The following CSMD1 variants were observed in gnomAD, a reference collection of about 807,000 sequenced individuals.
CSMD1 encodes the protein CUB and Sushi multiple domains 1.
Under a neutral mutation model 417.5 loss-of-function variants are expected in CSMD1, and 213 were observed. The ratio of observed to expected loss-of-function variants is 0.51; its 90% CI spans 0.46 to 0.57. The LOEUF (loss-of-function observed/expected upper bound fraction) is 0.57, where lower values mean the gene tolerates loss of function less well. Ranked by LOEUF, CSMD1 falls within the 20% of genes least tolerant of loss-of-function variation. The pLI, the probability that CSMD1 is intolerant of heterozygous loss-of-function variation, is 0.00. For missense variants in CSMD1, 6,923 were observed against 4,529.7 expected (o/e 1.53, Z -15.17); for synonymous variants, 2,862 against 1,736.8 (o/e 1.65, Z -16.11).
chr8:4,612,057 C>G (rs960282668), intron 2 of CSMD1, among the ~76,000 whole-genome samples: 1 of 152,072 alleles, frequency 6.6e-6, no homozygotes, highest in African/African-American at 2.4e-5. Context: ...CCCGGCGTGT[C>G]CCTAGGAGGT....
rs543044075 is a variant in CSMD1 at position 3,666,525 on chromosome 8, C to A, written c.1009+41889G>T. Among the ~76,000 whole-genome samples the A allele has an allele frequency of 2.0e-5, 3 of 152,252 alleles. No individual in the cohort carries two copies. In the East Asian group the frequency reaches 5.8e-4, roughly 29 times the overall value. Reference sequence around the variant, plus strand: ...CACATCATCTATTCTTTCAACAAGCCTTTTTTGAAAGCTGCCTGATATGGT... The same window carrying A: ...CACATCATCTATTCTTTCAACAAGCATTTTTTGAAAGCTGCCTGATATGGT... On this transcript the variant is annotated intron_variant, in intron 7 of 69. Transcript: ENST00000635120.
intron 5 of CSMD1, among the ~76,000 whole-genome samples, chr8:3,966,769 A>G (rs1157746679): frequency 1.3e-5 from 2 of 151,932 alleles, no homozygotes; most frequent in Non-Finnish European, 2.9e-5. Flanking sequence ...GCGCGCGCAC[A>G]CACACTGATT....
chr8:4,750,172 A>C (rs1811220852), intron 1 of CSMD1, among the ~76,000 whole-genome samples: 1 of 151,332 alleles, frequency 6.6e-6, no homozygotes, highest in South Asian at 2.1e-4. Context: ...CGCCCGGCTA[A>C]TTTTTTTTGT....
intron 5 of CSMD1, among the ~76,000 whole-genome samples, chr8:3,762,319 G>A (rs1207915055): frequency 6.6e-6 from 1 of 152,100 alleles, no homozygotes; most frequent in Non-Finnish European, 1.5e-5. Flanking sequence ...GTCGTTTCTG[G>A]CTCTCCTTTA....
rs1317860608 is a variant in CSMD1, at chr8:4,078,920, T to A, written c.416-46821A>T. On this transcript the variant is annotated intron_variant, in intron 3 of 69. Transcript: ENST00000635120. ...AAATATATATATATATATATATATA[T>A]ATATATATATATATATATATATGTA... 8.5e-3 allele frequency among the ~76,000 whole-genome samples: 215 copies of A among 25,326 alleles called. 4 individuals carry two copies. Among genetic ancestry groups the A allele is most frequent in the African/African-American group, 0.015 (201 of 13,316 alleles). The allele number at this position is 25,326 out of a possible 152,430, so 16.6% of individuals were successfully genotyped here. A position where few individuals can be genotyped will look rare whatever the true frequency, so the allele number is the denominator to read the frequency against.
chr8:4,448,378 C>T (rs993523083), intron 2 of CSMD1, among the ~76,000 whole-genome samples: 55 of 152,088 alleles, frequency 3.6e-4, no homozygotes, highest in African/African-American at 1.2e-3. Context: ...TAAAACACGC[C>T]AGTTGTCCAA....
At chr8:4,410,947 G>C (rs115228820) in intron 3 of CSMD1, among the ~76,000 whole-genome samples, 1 of 152,090 alleles carries the variant, frequency 6.6e-6, no homozygotes, top group Non-Finnish European at 1.5e-5. Context: ...TGTTCTAGTG[G>C]GACTAGGTTA....
chr8:3,916,260 G>T (rs893491075), intron 5 of CSMD1, among the ~76,000 whole-genome samples: 6 of 152,008 alleles, frequency 3.9e-5, no homozygotes, highest in Non-Finnish European at 8.8e-5. Context: ...TATACAACAG[G>T]AGCCCAGAAA....
rs149872425 is a variant in CSMD1 at position 3,914,093 on chromosome 8, T to C, written c.818+83810A>G. Among the ~76,000 whole-genome samples the C allele has an allele frequency of 9.5e-4, 144 of 152,338 alleles. 1 individual carries two copies. In the East Asian group the frequency reaches 0.024, roughly 26 times the overall value. On this transcript the variant is annotated intron_variant, in intron 5 of 69. Transcript: ENST00000635120. ...ACAATAAAGAGTCATATTTGAATTA[T>C]GTAAGTGCCTTGTCTTCAGCGTTAG...
intron 7 of CSMD1, among the ~76,000 whole-genome samples, chr8:3,626,727 G>C (rs910673865): frequency 2.0e-5 from 3 of 150,682 alleles, no homozygotes; most frequent in African/African-American, 7.3e-5. Context: ...GTAATTTATG[G>C]ACATATTTTA....
chr8:3,862,777 C>A (rs544650891), intron 5 of CSMD1, among the ~76,000 whole-genome samples: 49 of 152,298 alleles, frequency 3.2e-4, no homozygotes, highest in African/African-American at 9.4e-4. Context: ...AGATTACACA[C>A]AGAGAAGTTA....
chr8:3,093,595 G>C (rs1815100923), intron 47 of CSMD1, among the ~76,000 whole-genome samples: 1 of 152,080 alleles, frequency 6.6e-6, no homozygotes, highest in Non-Finnish European at 1.5e-5. Flanking sequence ...TTGAACCCAG[G>C]AGGTGGAAGT....
intron 2 of CSMD1, among the ~76,000 whole-genome samples, chr8:4,450,886 G>A (rs960346926): frequency 3.9e-5 from 6 of 152,088 alleles, no homozygotes; most frequent in African/African-American, 1.4e-4. Flanking sequence ...CAACCAGATT[G>A]CGCTAATATA....
chr8:3,308,229 C>G (rs1400968461), intron 24 of CSMD1, 83 bp downstream of exon 24: 1 of 1,063,710 alleles, frequency 9.4e-7, no homozygotes, highest in Non-Finnish European at 1.4e-6. Context: ...CTCCTCTTTT[C>G]CAATAAAGGA....
chr8:3,688,130 T>C (rs1800042427), intron 7 of CSMD1, among the ~76,000 whole-genome samples: 1 of 152,216 alleles, frequency 6.6e-6, no homozygotes, highest in South Asian at 2.1e-4. Context: ...TTCGAAGTAA[T>C]TGCAATACCT....
chr8:4,293,952 A>G (rs183236498), intron 3 of CSMD1, among the ~76,000 whole-genome samples: 4 of 152,016 alleles, frequency 2.6e-5, no homozygotes, highest in East Asian at 1.9e-4. Flanking sequence ...AACACTTTCT[A>G]CAAGTTCTAA....
intron 1 of CSMD1, among the ~76,000 whole-genome samples, chr8:4,936,839 T>C (rs2117216710): frequency 6.6e-6 from 1 of 152,324 alleles, no homozygotes; most frequent in Non-Finnish European, 1.5e-5. Flanking sequence ...TAAATAAAAA[T>C]AATACATAAA....
intron 1 of CSMD1, among the ~76,000 whole-genome samples, chr8:4,646,267 G>A (rs1440756244): frequency 6.6e-6 from 1 of 152,118 alleles, no homozygotes; most frequent in Non-Finnish European, 1.5e-5. Context: ...TTAGTTGTAT[G>A]TCAGGTATTT....
intron 1 of CSMD1, among the ~76,000 whole-genome samples, chr8:4,737,098 T>C (rs1178646169): frequency 1.3e-5 from 2 of 152,160 alleles, no homozygotes; most frequent in East Asian, 1.9e-4. Flanking sequence ...TGCCCATCAA[T>C]GATAGACTGA....
Sources: allele counts gnomAD v4.1 joint callset (sites outside exome capture counted in the v4.1 genomes callset), GRCh38; gene constraint gnomAD v4.1.1; transcripts MANE v1.5; gene names NCBI Gene and HGNC (gene_info 2026-07-23, HGNC 2026-07-21).